HAVCR1: variants seen among roughly 807,000 people sequenced by gnomAD.
The protein encoded by HAVCR1 is T cell immunoglobin domain and mucin domain protein 1.
HAVCR1 carries 34 observed loss-of-function variants against 32.0 expected under a neutral mutation model. The ratio of observed to expected loss-of-function variants is 1.06; its 90% CI spans 0.81 to 1.42. The LOEUF (loss-of-function observed/expected upper bound fraction) is 1.42, where lower values mean the gene tolerates loss of function less well. Among genes scored for constraint, HAVCR1 ranks in the 40% most tolerant of loss-of-function variants. HAVCR1 has a pLI of 0.00. For missense variants in HAVCR1, 420 were observed against 442.3 expected, an observed-to-expected ratio of 0.95 and a Z score of 0.45; for synonymous variants, 178 against 170.3, an observed-to-expected ratio of 1.05 and a Z score of -0.35.
At chr5:157,042,184 T>A (rs1297426174) in intron 6 of HAVCR1, among the ~76,000 whole-genome samples, 2 of 152,134 alleles carry the variant, frequency 1.3e-5, no homozygotes, top group Admixed American at 6.6e-5. Flanking sequence ...GTCACCTAAA[T>A]GAACTTTCCA....
intron 6 of HAVCR1, 30 bp from the exon 7 acceptor site, chr5:157,037,391 A>C (rs1354118050): frequency 5.1e-6 from 5 of 972,360 alleles, no homozygotes; most frequent in Non-Finnish European, 8.2e-6. Context: ...TCAAAAAAGC[A>C]TCTTGTTAGA....
rs748299057 is a variant in HAVCR1, at chr5:157,052,509, T to A, written c.525A>T (p.Thr175=). 1 of 1,601,176 alleles carries A rather than the reference T, an allele frequency of 6.2e-7. No individual in the cohort carries two copies. Among genetic ancestry groups the A allele is most frequent in the Admixed American group, 1.7e-5 (1 of 58,814 alleles). ...CAGTCATTGTCGTCAGAACAGTCGT[T>A]GTCGTTGGAATGCTCATTGTTGTTG... ...TVPTTMSIPT[T]TTVLTTMTVS... The change falls in exon 4 of 9, where the codon ACA becomes ACT. Residue 175 remains threonine, a synonymous_variant. Coordinates refer to ENST00000523175, the MANE Select transcript of HAVCR1 (RefSeq NM_001173393.3).
intron 7 of HAVCR1, among the ~76,000 whole-genome samples, chr5:157,036,848 T>A (rs1258249230): frequency 2.6e-5 from 4 of 151,944 alleles, no homozygotes; most frequent in Non-Finnish European, 5.9e-5. Flanking sequence ...GTGCTTTTTT[T>A]AATGGTTTTT....
At chr5:157,057,655 TG>T (rs1756295329) in intron 2 of HAVCR1, among the ~76,000 whole-genome samples, 1 of 152,194 alleles carries the variant, frequency 6.6e-6, no homozygotes, top group South Asian at 2.1e-4. Flanking sequence ...TGTGACACAC[TG>T]TGCTGCATCT....
rs375437638 is a variant in HAVCR1 at position 157,049,108 on chromosome 5, G to C, written c.711C>G (p.Thr237=). 3.1e-6 allele frequency: 5 copies of C among 1,612,650 alleles called. No homozygotes were observed. The African/African-American group carries it at 6.7e-5, about 22-fold the overall frequency. Residue 237 remains threonine (T), a synonymous_variant, in exon 5 of 9, where the codon ACC becomes ACG. Transcript: ENST00000523175. ...TSPSSPQPAE[T]HPTTLQGAIR... The stretch of plus-strand genomic sequence containing the variant: ...TTGCTCCCTGCAGTGTCGTAGGGTG[G>C]GTTTCTGCTGGCTGAGGTGAAGATG...
the HAVCR1 span, among the ~76,000 whole-genome samples, chr5:157,065,607 C>G: frequency 1.3e-5 from 2 of 152,122 alleles, no homozygotes; most frequent in Non-Finnish European, 2.9e-5. Flanking sequence ...GCAGTCTTAG[C>G]ACTTTAGGAG....
chr5:157,044,579 GAAAGAAGGAAAGAAAGAAA>G (rs1561590791), intron 5 of HAVCR1, among the ~76,000 whole-genome samples: 1 of 73,806 alleles, frequency 1.4e-5, no homozygotes, highest in African/African-American at 6.6e-5. Context: ...GAAAGACAAA[GAAAGAAGGAAAGAAAGAAA>G]GAAAGAAAGA....
chr5:157,052,497 C>T lies in HAVCR1; in HGVS notation c.537G>A (p.Leu179=), dbSNP rs780505150. ...TTGTCGTTGAAACAGTCATTGTCGT[C>T]AGAACAGTCGTTGTCGTTGGAATGC... ...TMSIPTTTTV[L]TTMTVSTTTS... is the part of the protein sequence containing the mutation. The change falls in exon 4 of 9, where the codon CTG becomes CTA. Residue 179 remains leucine, a synonymous_variant. Transcript: ENST00000523175. 6 of 1,602,588 alleles carry T rather than the reference C, an allele frequency of 3.7e-6. No individual in the cohort carries two copies. The highest frequency in any genetic ancestry group is 2.2e-5 in the East Asian group (1 of 44,548).
chr5:157,049,004 G>T, intron 5 of HAVCR1, 34 bp downstream of exon 5: 1 of 1,211,268 alleles, frequency 8.3e-7, no homozygotes, highest in Non-Finnish European at 1.2e-6. Context: ...AGGTTTGAAT[G>T]ATCCCAGGTC....
At chr5:157,066,885 G>A in the HAVCR1 span, among the ~76,000 whole-genome samples, 2 of 152,244 alleles carry the variant, frequency 1.3e-5, no homozygotes, top group Admixed American at 6.5e-5. Flanking sequence ...TCGGGAGTTC[G>A]AGACCAGCCT....
chr5:157,029,459 A>C lies in HAVCR1; in HGVS notation c.*274T>G. On this transcript the variant is annotated 3_prime_UTR_variant, in exon 9 of 9. Transcript: ENST00000523175. Reference sequence around the variant, plus strand: ...TTTATGGGGTCTAAAAAGAACATACAATTATAAAGTGTTCATATTTGAGAG... The same window carrying C: ...TTTATGGGGTCTAAAAAGAACATACCATTATAAAGTGTTCATATTTGAGAG... 1 of 670,938 alleles carries C rather than the reference A, an allele frequency of 1.5e-6. No homozygotes were observed. The allele number at this position is 670,938 out of a possible 1,614,324, so 41.6% of individuals were successfully genotyped here.
chr5:157,061,776 T>C (rs1039677775), upstream of HAVCR1, among the ~76,000 whole-genome samples: 1 of 152,202 alleles, frequency 6.6e-6, no homozygotes, highest in Non-Finnish European at 1.5e-5. Context: ...ACCATTCATT[T>C]TGATGACGGA....
intron 4 of HAVCR1, among the ~76,000 whole-genome samples, chr5:157,051,405 A>T (rs1755727780): frequency 6.6e-6 from 1 of 152,230 alleles, no homozygotes; most frequent in Non-Finnish European, 1.5e-5. Context: ...AGATCAGGGC[A>T]AACTCATCCA....
chr5:157,040,481 G>T (rs754800347), intron 6 of HAVCR1, among the ~76,000 whole-genome samples: 1 of 152,212 alleles, frequency 6.6e-6, no homozygotes, highest in Non-Finnish European at 1.5e-5. Flanking sequence ...TAAATGTTAC[G>T]CCATGTAATG....
chr5:157,052,615 G>A lies in HAVCR1; in HGVS notation c.419C>T (p.Thr140Ile), dbSNP rs1208324580. The change falls in exon 4 of 9, where the codon ACC (threonine) becomes ATC (isoleucine). Residue 140 changes from threonine to isoleucine, a missense_variant. Coordinates refer to ENST00000523175, the MANE Select transcript of HAVCR1 (RefSeq NM_001173393.3). ...TTTPIVTTVPTVTTVRTSTTV... is the reference protein window; with the variant it reads ...TTTPIVTTVPIVTTVRTSTTV... ...GGTGCTCGTTCGAACAGTCGTGACG[G>A]TTGGAACAGTTGTGACAATTGGAGT... The A allele has an allele frequency of 1.2e-6, 2 of 1,613,992 alleles. No individual in the cohort carries two copies. The highest frequency in any genetic ancestry group is 4.5e-5 in the East Asian group (2 of 44,886).
rs1756392285 is a variant in HAVCR1 at position 157,058,899 on chromosome 5, CAG to C, written c.-13+20_-13+21del. ...GACTTCAAGAGAATGCTTCAGGAAA[CAG>C]AAGTCTGGAGCAGACTTACGTTCAG... On this transcript the variant is annotated intron_variant, in intron 1 of 8. Coordinates refer to ENST00000523175, the MANE Select transcript of HAVCR1 (RefSeq NM_001173393.3). The C allele has an allele frequency of 6.6e-6, 1 of 152,244 alleles. No homozygotes were observed. The highest frequency in any genetic ancestry group is 2.4e-5 in the African/African-American group (1 of 41,462). The allele number at this position is 152,244 out of a possible 1,614,324, so 9.4% of individuals were successfully genotyped here.
intron 7 of HAVCR1, among the ~76,000 whole-genome samples, chr5:157,036,468 A>G (rs1210746109): frequency 6.6e-6 from 1 of 152,240 alleles, no homozygotes; most frequent in Non-Finnish European, 1.5e-5. Flanking sequence ...GACAAGAGAG[A>G]AACTCTGTCT....
upstream of HAVCR1, among the ~76,000 whole-genome samples, chr5:157,059,849 G>A (rs1756432548): frequency 6.6e-6 from 1 of 151,990 alleles, no homozygotes; most frequent in African/African-American, 2.4e-5. Flanking sequence ...ATATAGTCAG[G>A]CCTTGTGTAC....
At chr5:157,045,931 C>T (rs1755371575) in intron 5 of HAVCR1, among the ~76,000 whole-genome samples, 1 of 152,186 alleles carries the variant, frequency 6.6e-6, no homozygotes, top group Admixed American at 6.5e-5. Flanking sequence ...AGAATGATTC[C>T]CCACTCCTAC....
Sources: gnomAD v4.1 joint callset for allele counts (sites outside exome capture counted in the v4.1 genomes callset) on GRCh38, gnomAD v4.1.1 for gene constraint, MANE v1.5 for transcripts, NCBI Gene and HGNC (gene_info 2026-07-23, HGNC 2026-07-21) for gene names.